The following HMCN1 variants were observed in gnomAD, a reference collection of about 807,000 sequenced individuals.
HMCN1 encodes hemicentin 1, also known as hemicentin-1.
HMCN1 carries 321 observed loss-of-function variants against 625.9 expected under a neutral mutation model. The observed-to-expected ratio is 0.51, with a 90% CI of 0.47 to 0.56. HMCN1 has a LOEUF of 0.56. HMCN1 is among the 20% of genes least tolerant of loss of function. The pLI is 0.00. For synonymous variants in HMCN1, 2,425 were observed against 2,417.6 expected, an observed-to-expected ratio of 1.00 and a Z score of -0.09; for missense variants, 6,588 against 6,887.3, an observed-to-expected ratio of 0.96 and a Z score of 1.54.
chr1:185,983,047 C>T (rs1377571959), intron 18 of HMCN1, among the ~76,000 whole-genome samples: 3 of 151,876 alleles, frequency 2.0e-5, no homozygotes, highest in Non-Finnish European at 4.4e-5. Flanking sequence ...CATTGTTAAA[C>T]GTTAATATTC....
intron 36 of HMCN1, among the ~76,000 whole-genome samples, chr1:186,035,904 C>T (rs1253417636): frequency 2.6e-5 from 4 of 152,014 alleles, no homozygotes; most frequent in Non-Finnish European, 4.4e-5. Context: ...TTTTCATATT[C>T]GTTATAACTG....
Position 185,794,343 on chromosome 1 carries a change from T to TTATATA in HMCN1, c.269-51671_269-51666dup, listed in dbSNP as rs61058896. 6.9e-3 allele frequency among the ~76,000 whole-genome samples: 1,014 copies of TTATATA among 147,700 alleles called. 16 individuals carry two copies. Among genetic ancestry groups the TTATATA allele is most frequent in the African/African-American group, 0.024 (972 of 40,034 alleles). Reference sequence around the variant, plus strand: ...AGAGGGACAGAACTAAGAGGATAGATTATATATATATATATATGTGAGTTT... The same window carrying TTATATA: ...AGAGGGACAGAACTAAGAGGATAGATTATATATATATATATATATATATGTGAGTTT... On this transcript the variant is annotated intron_variant, in intron 1 of 106. Coordinates refer to ENST00000271588, the MANE Select transcript of HMCN1 (RefSeq NM_031935.3).
intron 35 of HMCN1, among the ~76,000 whole-genome samples, chr1:186,020,964 G>C (rs1318318723): frequency 6.6e-6 from 1 of 152,012 alleles, no homozygotes; most frequent in Non-Finnish European, 1.5e-5. Flanking sequence ...TTTTAAGAGA[G>C]GAGTAACATG....
chr1:186,142,418 T>A (rs1401712384), intron 89 of HMCN1, among the ~76,000 whole-genome samples: 1 of 152,132 alleles, frequency 6.6e-6, no homozygotes, highest in East Asian at 1.9e-4. Context: ...TGTTGTTGGG[T>A]GTTTTGGTTG....
intron 57 of HMCN1, among the ~76,000 whole-genome samples, chr1:186,085,124 G>A (rs185959068): frequency 6.6e-6 from 1 of 152,186 alleles, no homozygotes; most frequent in African/African-American, 2.4e-5. Context: ...AGCTTGAACT[G>A]AGCCCTCCAT....
intron 30 of HMCN1, among the ~76,000 whole-genome samples, chr1:186,008,711 G>T (rs527418405): frequency 4.9e-4 from 74 of 152,216 alleles, no homozygotes; most frequent in African/African-American, 1.7e-3. Flanking sequence ...TAGTGTTATT[G>T]TGAAGATCAA....
intron 4 of HMCN1, among the ~76,000 whole-genome samples, chr1:185,905,831 G>C (rs572343365): frequency 2.0e-5 from 3 of 151,914 alleles, no homozygotes; most frequent in Non-Finnish European, 4.4e-5. Flanking sequence ...GAGTTTTAAA[G>C]GTACGAGAAC....
chr1:185,912,152 A>G (rs1666458678), intron 6 of HMCN1, among the ~76,000 whole-genome samples: 1 of 152,182 alleles, frequency 6.6e-6, no homozygotes, highest in Non-Finnish European at 1.5e-5. Flanking sequence ...GAATCTTAAC[A>G]CCACGCCTTA....
chr1:185,786,434 G>C (rs1391996093), intron 1 of HMCN1, among the ~76,000 whole-genome samples: 3 of 152,086 alleles, frequency 2.0e-5, no homozygotes, highest in Admixed American at 2.0e-4. Context: ...TTTTGTTTTG[G>C]GATGAAAATA....
chr1:186,050,833 T>G (rs2102271170), intron 42 of HMCN1, among the ~76,000 whole-genome samples: 1 of 152,224 alleles, frequency 6.6e-6, no homozygotes, highest in Admixed American at 6.6e-5. Flanking sequence ...GAGCAATTAG[T>G]GAGAAAGACA....
In HMCN1 at chr1:186,041,020, C is replaced by G; in HGVS notation, c.6188C>G (p.Ser2063Cys). ...SSFSNGLQVLSGGRILALTSA... is the reference protein window; with the variant it reads ...SSFSNGLQVLCGGRILALTSA... ...CGTTCTTACCATTGATAGGTTCTCT[C>G]TGGTGGTCGAATCCTAGCATTGACC... Residue 2063 changes from serine to cysteine, a missense_variant, in exon 40 of 107, where the codon TCT becomes TGT. By Grantham distance (112) the Ser-to-Cys change is moderately radical. Around this residue, in one of 3 missense-constraint regions of HMCN1, gnomAD observed 4,628 missense variants for 4,853.1 expected, o/e 0.95. Coordinates refer to ENST00000271588, the MANE Select transcript of HMCN1 (RefSeq NM_031935.3). 1 of 1,612,956 alleles carries G rather than the reference C, an allele frequency of 6.2e-7. No homozygotes were observed. The highest frequency in any genetic ancestry group is 8.5e-7 in the Non-Finnish European group (1 of 1,179,198).
Position 186,016,178 on chromosome 1 carries a change from C to T in HMCN1, c.5130C>T (p.Tyr1710=). 1 of 1,613,382 alleles carries T rather than the reference C, an allele frequency of 6.2e-7. No individual in the cohort carries two copies. The highest frequency in any genetic ancestry group is 1.1e-5 in the South Asian group (1 of 91,056). The change falls in exon 32 of 107, where the codon TAC becomes TAT. Residue 1710 remains tyrosine (Y), a synonymous_variant. Coordinates refer to ENST00000271588, the MANE Select transcript of HMCN1 (RefSeq NM_031935.3). The part of the protein sequence containing the change: ...MSAQEIDRGQ[Y]ICVATSVAGE... ...CCCAAGAAATTGATCGAGGACAGTA[C>T]ATATGCGTGGCTACCAGTGTGGCAG...
intron 15 of HMCN1, among the ~76,000 whole-genome samples, chr1:185,977,154 A>G (rs1316398412): frequency 6.6e-6 from 1 of 152,096 alleles, no homozygotes; most frequent in Non-Finnish European, 1.5e-5. Context: ...TCTGACTAAG[A>G]TATTAAACTC....
chr1:185,979,922 A>T (rs1182771698), intron 16 of HMCN1, among the ~76,000 whole-genome samples: 1 of 152,098 alleles, frequency 6.6e-6, no homozygotes, highest in Admixed American at 6.6e-5. Flanking sequence ...CTGATTGCTC[A>T]CAAGACAAAA....
At chr1:186,034,324 G>T (rs1655677495) in intron 36 of HMCN1, among the ~76,000 whole-genome samples, 1 of 152,142 alleles carries the variant, frequency 6.6e-6, no homozygotes, top group Non-Finnish European at 1.5e-5. Flanking sequence ...TTGGACTTCT[G>T]ACCTATAAAA....
At chr1:186,084,816 G>A (rs907357342) in intron 57 of HMCN1, among the ~76,000 whole-genome samples, 15 of 151,882 alleles carry the variant, frequency 9.9e-5, no homozygotes, top group African/African-American at 2.7e-4. Flanking sequence ...TTTTATATAG[G>A]TTATTTCACT....
chr1:186,088,912 A>C (rs970870538), intron 63 of HMCN1, among the ~76,000 whole-genome samples, 157 bp downstream of exon 63: 13 of 152,018 alleles, frequency 8.6e-5, no homozygotes, highest in South Asian at 2.1e-4. Flanking sequence ...TTACCAGTAG[A>C]TTCTGTTTTC....
chr1:186,058,193 G>A (rs1657468864), intron 46 of HMCN1, among the ~76,000 whole-genome samples: 1 of 151,912 alleles, frequency 6.6e-6, no homozygotes, highest in Admixed American at 6.6e-5. Flanking sequence ...GCTAATTTAT[G>A]ATCTCTTTGC....
intron 67 of HMCN1, 112 bp from the exon 68 acceptor site, chr1:186,095,131 A>G: frequency 2.9e-6 from 3 of 1,046,790 alleles, no homozygotes; most frequent in Admixed American, 1.8e-5. Context: ...ATTTTAAAGT[A>G]TATATTTTTA....
Sources: gnomAD v4.1 joint callset for allele counts (sites outside exome capture counted in the v4.1 genomes callset) on GRCh38, gnomAD v4.1.1 for gene constraint, gnomAD v4.1.1 regional missense constraint, MANE v1.5 for transcripts, NCBI Gene and HGNC (gene_info 2026-07-23, HGNC 2026-07-21) for gene names.